The following CBFA2T2 variants were observed in gnomAD, a reference collection of about 807,000 sequenced individuals.
CBFA2T2 encodes the protein protein CBFA2T2.
In CBFA2T2, 11 loss-of-function variants were observed where a neutral mutation model predicts 62.2. The ratio of observed to expected loss-of-function variants is 0.18; its 90% CI spans 0.11 to 0.29. The LOEUF (loss-of-function observed/expected upper bound fraction) is 0.29, where lower values mean the gene tolerates loss of function less well. Ranked by LOEUF, CBFA2T2 falls within the 10% of genes least tolerant of loss-of-function variation. CBFA2T2 has a pLI of 1.00. For synonymous variants in CBFA2T2, 295 were observed against 287.5 expected, an observed-to-expected ratio of 1.03 and a Z score of -0.27; for missense variants, 592 against 774.1, an observed-to-expected ratio of 0.76 and a Z score of 2.79.
rs1555851384 is a variant in CBFA2T2, at chr20:33,642,116, T to TGTG, written c.1488+1585_1488+1586insGTG. Reference sequence around the variant, plus strand: ...TCCTCCTCCTTTGTCTTTTTTTTTTTTGTGTGTGTGTGTGTGTGTGTGTGT... The same window carrying TGTG: ...TCCTCCTCCTTTGTCTTTTTTTTTTTGTGTGTGTGTGTGTGTGTGTGTGTGTGT... On this transcript the variant is annotated intron_variant, in intron 10 of 10. Transcript: ENST00000342704. 9.3e-3 allele frequency among the ~76,000 whole-genome samples: 546 copies of TGTG among 58,976 alleles called. 3 individuals are homozygous for TGTG. The highest frequency in any genetic ancestry group is 0.013 in the Non-Finnish European group (353 of 27,538). 38.7% of individuals were successfully genotyped at this position (58,976 alleles called of 152,430 possible). A position where few individuals can be genotyped will look rare whatever the true frequency, so the allele number is the denominator to read the frequency against.
chr20:33,591,188 A>AAAAAAAAAAAAAAG (rs2014606236), intron 1 of CBFA2T2, among the ~76,000 whole-genome samples: 1 of 146,938 alleles, frequency 6.8e-6, no homozygotes, highest in African/African-American at 2.5e-5. Context: ...TCAAAAAAAA[A>AAAAAAAAAAAAAAG]AGTACTGATG....
intron 1 of CBFA2T2, among the ~76,000 whole-genome samples, chr20:33,603,434 T>C (rs1227033554): frequency 2.0e-5 from 3 of 152,234 alleles, no homozygotes; most frequent in African/African-American, 7.2e-5. Context: ...ATTTTGGAAA[T>C]GCATGCTGTC....
chr20:33,593,819 T>C (rs150268351), intron 1 of CBFA2T2, among the ~76,000 whole-genome samples: 211 of 152,322 alleles, frequency 1.4e-3, no homozygotes, highest in African/African-American at 4.8e-3. Flanking sequence ...CTCTTCTTGC[T>C]ACGATTATGA....
At chr20:33,622,775 A>T (rs1601084610) in intron 4 of CBFA2T2, among the ~76,000 whole-genome samples, 1 of 152,204 alleles carries the variant, frequency 6.6e-6, no homozygotes, top group East Asian at 1.9e-4. Flanking sequence ...GGCAGTAGTA[A>T]TTCTCTCACT....
chr20:33,541,408 T>C (rs1353044122), intron 1 of CBFA2T2, among the ~76,000 whole-genome samples: 2 of 152,226 alleles, frequency 1.3e-5, no homozygotes, highest in Non-Finnish European at 2.9e-5. Flanking sequence ...CTTTCTTAAA[T>C]TGTATATGGG....
intron 3 of CBFA2T2, among the ~76,000 whole-genome samples, chr20:33,614,663 G>A (rs891660469): frequency 1.3e-5 from 2 of 152,072 alleles, no homozygotes; most frequent in African/African-American, 4.8e-5. Context: ...TACAGTATTT[G>A]TCTTTTTGTG....
chr20:33,585,544 T>C (rs2014327515), intron 1 of CBFA2T2, among the ~76,000 whole-genome samples: 1 of 152,218 alleles, frequency 6.6e-6, no homozygotes, highest in African/African-American at 2.4e-5. Context: ...AATTAACCAT[T>C]CTCTTGTGGT....
At chr20:33,573,595 C>T (rs1362114520) in intron 1 of CBFA2T2, among the ~76,000 whole-genome samples, 2 of 152,046 alleles carry the variant, frequency 1.3e-5, no homozygotes, top group Non-Finnish European at 2.9e-5. Context: ...AATTCTACTG[C>T]CTCAGCCTCC....
intron 1 of CBFA2T2, among the ~76,000 whole-genome samples, chr20:33,494,265 ATATATATATTTTTTTT>A (rs1483340300): frequency 3.1e-5 from 2 of 64,644 alleles, no homozygotes; most frequent in Non-Finnish European, 5.4e-5. Flanking sequence ...ATATATATAT[ATATATATATTTTTTTT>A]TTTTTTTTTT....
chr20:33,592,420 T>G (rs991428325), intron 1 of CBFA2T2, among the ~76,000 whole-genome samples: 6 of 147,812 alleles, frequency 4.1e-5, no homozygotes, highest in Non-Finnish European at 7.5e-5. Context: ...TATATAATTA[T>G]GTAAAAATTA....
chr20:33,493,544 C>T (rs2011165220), intron 1 of CBFA2T2, among the ~76,000 whole-genome samples: 1 of 152,124 alleles, frequency 6.6e-6, no homozygotes, highest in African/African-American at 2.4e-5. Flanking sequence ...TGCTCTGTTG[C>T]CCAGGTTCTG....
At chr20:33,579,835 A>T in intron 1 of CBFA2T2, among the ~76,000 whole-genome samples, 1 of 141,082 alleles carries the variant, frequency 7.1e-6, no homozygotes, top group African/African-American at 2.6e-5. Context: ...TTTTTTTGAG[A>T]CGGAGTTTCT....
At chr20:33,541,869 GGTTTTTGTTTTT>G (rs200248701) in intron 1 of CBFA2T2, among the ~76,000 whole-genome samples, 3 of 151,982 alleles carry the variant, frequency 2.0e-5, no homozygotes, top group South Asian at 2.1e-4. Context: ...TAGTGCTACA[GGTTTTTGTTTTT>G]GTTTTTGTTT....
chr20:33,510,188 T>C (rs2011482782), intron 1 of CBFA2T2, among the ~76,000 whole-genome samples: 1 of 151,872 alleles, frequency 6.6e-6, no homozygotes. Context: ...CCATGGTGTA[T>C]ATGTGCCACT....
chr20:33,530,028 C>G (rs1466785427), intron 1 of CBFA2T2, among the ~76,000 whole-genome samples: 1 of 151,962 alleles, frequency 6.6e-6, no homozygotes, highest in East Asian at 1.9e-4. Context: ...CTAAGGTGAT[C>G]CACCTGCCTC....
chr20:33,594,248 G>C (rs2014791097), intron 1 of CBFA2T2, among the ~76,000 whole-genome samples: 1 of 152,020 alleles, frequency 6.6e-6, no homozygotes, highest in Non-Finnish European at 1.5e-5. Context: ...TTGAGACGGA[G>C]TCTCACTCTG....
intron 1 of CBFA2T2, among the ~76,000 whole-genome samples, chr20:33,556,113 T>C (rs1362966537): frequency 6.6e-6 from 1 of 152,224 alleles, no homozygotes; most frequent in East Asian, 1.9e-4. Context: ...GTAAGCCACC[T>C]TCCTTGGCCT....
chr20:33,573,765 C>T (rs1050243403), intron 1 of CBFA2T2, among the ~76,000 whole-genome samples: 1 of 152,006 alleles, frequency 6.6e-6, no homozygotes, highest in African/African-American at 2.4e-5. Flanking sequence ...CAGGCTTGAG[C>T]CACCACACCC....
At chr20:33,566,204 G>A (rs1352722501) in intron 1 of CBFA2T2, among the ~76,000 whole-genome samples, 1 of 152,150 alleles carries the variant, frequency 6.6e-6, no homozygotes, top group African/African-American at 2.4e-5. Flanking sequence ...ATTATGTTGA[G>A]TTTCCAGGAC....
Sources: allele counts gnomAD v4.1 joint callset (sites outside exome capture counted in the v4.1 genomes callset), GRCh38; gene constraint gnomAD v4.1.1; transcripts MANE v1.5; gene names NCBI Gene and HGNC (gene_info 2026-07-23, HGNC 2026-07-21).